GCN1: variants seen among roughly 807,000 people sequenced by gnomAD.
The protein encoded by GCN1 is GCN1 activator of EIF2AK4.
GCN1 carries 90 observed loss-of-function variants against 288.4 expected under a neutral mutation model. The ratio of observed to expected loss-of-function variants is 0.31; its 90% confidence interval spans 0.26 to 0.37. GCN1 has a LOEUF of 0.37. Among genes scored for constraint, GCN1 ranks in the 10% least tolerant of loss-of-function variants. The pLI, the probability that GCN1 is intolerant of heterozygous loss-of-function variation, is 1.00. For synonymous variants in GCN1, 1,386 were observed against 1,420.2 expected (o/e 0.98, Z 0.54); for missense variants, 2,586 against 3,419.9 (o/e 0.76, Z 6.08).
chr12:120,168,243 G>A lies in GCN1; in HGVS notation c.1577C>T (p.Thr526Ile), dbSNP rs772806011. ...LIVDEKKQVF[T>I]SEKFLVMASE... is the part of the protein sequence containing the mutation. ...AGCCATGACCAGGAATTTCTCAGAA[G>A]TGAAAACCTGCTTTTTCTCATCCAC... Residue 526 changes from threonine (T) to isoleucine (I), a missense_variant, in exon 16 of 58, where the codon ACT becomes ATT. Coordinates refer to ENST00000300648, the MANE Select transcript of GCN1 (RefSeq NM_006836.2). The A allele has an allele frequency of 1.1e-5, 17 of 1,607,392 alleles. No homozygotes were observed. The highest frequency in any genetic ancestry group is 1.4e-5 in the Non-Finnish European group (17 of 1,173,842).
chr12:120,157,852 G>A lies in GCN1; in HGVS notation c.3084C>T (p.Asp1028=), dbSNP rs750254281. 1.2e-5 allele frequency: 19 copies of A among 1,612,182 alleles called. No individual in the cohort carries two copies. The highest frequency in any genetic ancestry group is 5.3e-5 in the African/African-American group (4 of 74,916). The part of the protein sequence containing the change: ...ASPNTPPGRV[D]ENGPELLPRV... ...AGAGCAGAGCTTCCCTGCCAACCTC[G>A]TCCACCCGCCCGGGTGGGGTGTTGG... The change falls in exon 26 of 58, where the codon GAC becomes GAT. Residue 1028 remains aspartate, a synonymous_variant. Transcript: ENST00000300648.
At chr12:120,160,306 C>T in intron 22 of GCN1, 51 bp from the exon 23 acceptor site, 1 of 1,259,906 alleles carries the variant, frequency 7.9e-7, no homozygotes, top group South Asian at 1.2e-5. Context: ...AACAGACCTC[C>T]CTCCCCAACA....
At position 120,177,352 on chromosome 12, in the gene GCN1, C is replaced by T. The variant is rs892762606; in HGVS notation, c.838+95G>A. The T allele has an allele frequency of 1.8e-5, 12 of 666,102 alleles. No individual in the cohort carries two copies. The African/African-American group carries it at 1.8e-4, about 10-fold the overall frequency. The allele number at this position is 666,102 out of a possible 1,614,324, so 41.3% of individuals were successfully genotyped here. ...AACAATGAATACATCCCCCTTCCCT[C>T]CCCCCTACCACACACACTTCTTGTT... On this transcript the variant is annotated intron_variant, in intron 9 of 57. Coordinates refer to ENST00000300648, the MANE Select transcript of GCN1 (RefSeq NM_006836.2).
chr12:120,148,210 C>T lies in GCN1; in HGVS notation c.4683G>A (p.Ala1561=), dbSNP rs968465592. Residue 1561 remains alanine, a synonymous_variant, in exon 37 of 58, where the codon GCG becomes GCA. Transcript: ENST00000300648. Reference sequence around the variant, plus strand: ...TGATAACGGAGCCGATCTGCCTGAGCGCCTGCTGTCCAGCCTTCTGGACTT... The same window carrying T: ...TGATAACGGAGCCGATCTGCCTGAGTGCCTGCTGTCCAGCCTTCTGGACTT... ...HVKVQKAGQQ[A]LRQIGSVIRN... 4.3e-6 allele frequency: 7 copies of T among 1,613,966 alleles called. No homozygotes were observed. Among genetic ancestry groups the T allele is most frequent in the Non-Finnish European group, 5.1e-6 (6 of 1,179,932 alleles).
chr12:120,183,352 C>G (rs985622414), intron 5 of GCN1, among the ~76,000 whole-genome samples: 1 of 152,208 alleles, frequency 6.6e-6, no homozygotes, highest in Non-Finnish European at 1.5e-5. Context: ...TGCCTAGCAC[C>G]ATGCCTGACA....
intron 10 of GCN1, 46 bp downstream of exon 10, chr12:120,176,097 A>C: frequency 6.9e-7 from 1 of 1,446,940 alleles, no homozygotes; most frequent in Non-Finnish European, 9.7e-7. Context: ...AGTACAACCA[A>C]ACCCAAGGTG....
At chr12:120,135,724 T>C (rs1876980789) in intron 51 of GCN1, among the ~76,000 whole-genome samples, 1 of 152,044 alleles carries the variant, frequency 6.6e-6, no homozygotes, top group Admixed American at 6.6e-5. Context: ...AATGAAGGTC[T>C]GGAAATACTG....
intron 39 of GCN1, 80 bp from the exon 40 acceptor site, chr12:120,145,141 A>G: frequency 6.4e-7 from 1 of 1,571,580 alleles, no homozygotes; most frequent in South Asian, 1.1e-5. Context: ...AGGAAGGGGC[A>G]CCGAGGGCCT....
chr12:120,159,939 C>G lies in GCN1; in HGVS notation c.2635G>C (p.Val879Leu), dbSNP rs768303136. 3.1e-6 allele frequency: 5 copies of G among 1,614,168 alleles called. 1 individual carries two copies. In the South Asian group the frequency reaches 5.5e-5, roughly 18 times the overall value. Residue 879 changes from valine (V) to leucine (L), a missense_variant, in exon 24 of 58, where the codon GTT becomes CTT. Physicochemically the swap from Val to Leu is conservative, Grantham distance 32. Coordinates refer to ENST00000300648, the MANE Select transcript of GCN1 (RefSeq NM_006836.2). ...NPSGLTQYIP[V>L]LVDSFLPLLK... ...AAGGGCAGAAAAGAGTCGACCAAAA[C>G]AGGGATGTACTGGGTCAGGCCGGAC...
In GCN1 at chr12:120,174,088, G is replaced by A. The variant is rs768846797; in HGVS notation, c.1175C>T (p.Pro392Leu). 12 of 1,592,154 alleles carry A rather than the reference G, an allele frequency of 7.5e-6. No homozygotes were observed. Among genetic ancestry groups the A allele is most frequent in the Admixed American group, 1.7e-5 (1 of 59,974 alleles). The change falls in exon 13 of 58, where the codon CCG (proline) becomes CTG (leucine). Residue 392 changes from proline to leucine, a missense_variant. Around this residue, in one of 8 missense-constraint regions of GCN1, gnomAD observed 913 missense variants for 1,107.0 expected, o/e 0.82. Coordinates refer to ENST00000300648, the MANE Select transcript of GCN1 (RefSeq NM_006836.2). ...LNGIVAELFI[P>L]FLQQEVHEGT... is the part of the protein sequence containing the mutation. ...AGAATTACCTTCCTGCTGAAGGAAC[G>A]GGATGAACAGCTCAGCCACGATCCC...
intron 35 of GCN1, 48 bp downstream of exon 35, chr12:120,149,874 A>C (rs756164006): frequency 1.9e-6 from 3 of 1,610,928 alleles, no homozygotes; most frequent in Admixed American, 1.7e-5. Flanking sequence ...CTGGGAACAC[A>C]TCTCATAAAG....
chr12:120,177,233 A>C (rs576755140), intron 9 of GCN1, among the ~76,000 whole-genome samples: 1 of 152,212 alleles, frequency 6.6e-6, no homozygotes, highest in Non-Finnish European at 1.5e-5. Flanking sequence ...GCCGCCTCCC[A>C]AAGTGCTGGG....
At chr12:120,139,935 G>A (rs1340573669) in intron 45 of GCN1, among the ~76,000 whole-genome samples, 1 of 152,210 alleles carries the variant, frequency 6.6e-6, no homozygotes, top group East Asian at 1.9e-4. Flanking sequence ...GCACAGCAAA[G>A]CCCACTCTGC....
At chr12:120,159,801 T>C (rs776163123) in intron 24 of GCN1, 24 bp downstream of exon 24, 2 of 1,609,762 alleles carry the variant, frequency 1.2e-6, no homozygotes, top group South Asian at 1.1e-5. Context: ...GGGCCATCCC[T>C]GCAGCCAGCA....
At chr12:120,139,917 C>G (rs914732087) in intron 45 of GCN1, among the ~76,000 whole-genome samples, 8 of 152,300 alleles carry the variant, frequency 5.3e-5, no homozygotes, top group Non-Finnish European at 8.8e-5. Context: ...CCCTCAGTAA[C>G]GATCCCAGCA....
chr12:120,181,353 T>C (rs1253217287), intron 5 of GCN1, among the ~76,000 whole-genome samples: 1 of 149,596 alleles, frequency 6.7e-6, no homozygotes, highest in Non-Finnish European at 1.5e-5. Context: ...TAGTCCCAGC[T>C]ACTCAGGAGG....
intron 5 of GCN1, among the ~76,000 whole-genome samples, 157 bp from the exon 6 acceptor site, chr12:120,179,107 C>T (rs1176401920): frequency 6.6e-6 from 1 of 152,238 alleles, no homozygotes; most frequent in Non-Finnish European, 1.5e-5. Flanking sequence ...CTCTTCCCTC[C>T]ACCCCACACA....
At position 120,136,289 on chromosome 12, in the gene GCN1, T is replaced by C. The variant is rs140246199; in HGVS notation, c.7008+213A>G. Among the ~76,000 whole-genome samples the C allele has an allele frequency of 4.6e-5, 7 of 152,322 alleles. No individual in the cohort carries two copies. In the East Asian group the frequency reaches 9.6e-4, roughly 21 times the overall value. On this transcript the variant is annotated intron_variant, in intron 51 of 57. Coordinates refer to ENST00000300648, the MANE Select transcript of GCN1 (RefSeq NM_006836.2). ...GGTGAGGAAACAGGCTTAGGTTATA[T>C]GGCTTTCCCAAGGTCATCCTGGTCA... is the stretch of plus-strand genomic sequence containing the variant.
At position 120,149,794 on chromosome 12, in the gene GCN1, G is replaced by A. The variant is rs183320029; in HGVS notation, c.4432-74C>T. The A allele has an allele frequency of 5.4e-5, 82 of 1,522,874 alleles. 1 individual carries two copies. The African/African-American group carries it at 7.7e-4, about 14-fold the overall frequency. The allele number at this position is 1,522,874 out of a possible 1,614,324, so 94.3% of individuals were successfully genotyped here. On this transcript the variant is annotated intron_variant, in intron 35 of 57. Coordinates refer to ENST00000300648, the MANE Select transcript of GCN1 (RefSeq NM_006836.2). ...GGCAAGGCCTGACACCAGTCCTAGC[G>A]TTCCTCCTATAACCAACGCTTACTG...
Sources: gnomAD v4.1 joint callset for allele counts (sites outside exome capture counted in the v4.1 genomes callset) on GRCh38, gnomAD v4.1.1 for gene constraint, gnomAD v4.1.1 regional missense constraint, MANE v1.5 for transcripts, NCBI Gene and HGNC (gene_info 2026-07-23, HGNC 2026-07-21) for gene names.